The following GDA variants were observed in gnomAD, a reference collection of about 807,000 sequenced individuals.
GDA encodes guanine deaminase, also known as cytoplasmic PSD-95 interactor.
Under a neutral mutation model 59.6 loss-of-function variants are expected in GDA, and 18 were observed. That is an observed-to-expected ratio of 0.30 (90% CI 0.21 to 0.45). GDA has a LOEUF of 0.45. GDA is among the 20% of genes least tolerant of loss of function. The pLI is 1.00. For missense variants in GDA, 427 were observed against 552.3 expected (o/e 0.77, Z 2.27); for synonymous variants, 201 against 201.1 (o/e 1.00, Z 0.00).
At chr9:72,151,846 C>T (rs1350293913) in intron 1 of GDA, among the ~76,000 whole-genome samples, 1 of 151,952 alleles carries the variant, frequency 6.6e-6, no homozygotes, top group South Asian at 2.1e-4. Context: ...CTCGTGATCC[C>T]CCTGCCTCGG....
chr9:72,251,082 G>A lies in GDA; in HGVS notation c.*2740G>A. On this transcript the variant is annotated 3_prime_UTR_variant, in exon 14 of 14. Coordinates refer to ENST00000358399, the MANE Select transcript of GDA (RefSeq NM_004293.5). ...GACCCCAAGAGGAGATATTGGAACA[G>A]GCTCCCTTCATGCCAAGGGTCTTTC... 1 of 438,786 alleles carries A rather than the reference G, an allele frequency of 2.3e-6. No homozygotes were observed. The highest frequency in any genetic ancestry group is 2.9e-5 in the South Asian group (1 of 34,458). The allele number at this position is 438,786 out of a possible 1,614,324, so 27.2% of individuals were successfully genotyped here.
At position 72,178,710 on chromosome 9, in the gene GDA, A is replaced by C. The variant is rs1006103730; in HGVS notation, c.124-16790A>C. 2.0e-5 allele frequency among the ~76,000 whole-genome samples: 3 copies of C among 151,846 alleles called. No homozygotes were observed. In the South Asian group the frequency reaches 6.2e-4, roughly 32 times the overall value. On this transcript the variant is annotated intron_variant, in intron 1 of 13. Coordinates refer to ENST00000358399, the MANE Select transcript of GDA (RefSeq NM_004293.5). ...TGGGATTACAGGCGTGAGCCACCGT[A>C]CCCAGCCTGGAATCGATTTTTATGG...
rs753059474 is a variant in GDA at position 72,202,768 on chromosome 9, T to C, written c.384+26T>C. On this transcript the variant is annotated intron_variant, in intron 3 of 13. Coordinates refer to ENST00000358399, the MANE Select transcript of GDA (RefSeq NM_004293.5). Reference sequence around the variant, plus strand: ...GTAAGTATCTTGTGTGTGAGTGTGGTATTCTGTTTGGTCATCTATAGAAAT... The same window carrying C: ...GTAAGTATCTTGTGTGTGAGTGTGGCATTCTGTTTGGTCATCTATAGAAAT... 4 of 1,551,818 alleles carry C rather than the reference T, an allele frequency of 2.6e-6. No homozygotes were observed. The South Asian group carries it at 3.4e-5, about 13-fold the overall frequency.
intron 3 of GDA, among the ~76,000 whole-genome samples, chr9:72,209,853 AGTT>A (rs1835146828): frequency 6.6e-6 from 1 of 152,112 alleles, no homozygotes; most frequent in Non-Finnish European, 1.5e-5. Context: ...CCCTGCCAGG[AGTT>A]GTGGGAGTAG....
At chr9:72,188,805 G>A (rs958655237) in intron 1 of GDA, among the ~76,000 whole-genome samples, 1 of 152,182 alleles carries the variant, frequency 6.6e-6, no homozygotes, top group African/African-American at 2.4e-5. Flanking sequence ...GCCTGGGAGA[G>A]CAGCAGGCAG....
chr9:72,257,309 G>C (rs1241017712), downstream of GDA: 1 of 151,036 alleles, frequency 6.6e-6, no homozygotes, highest in Middle Eastern at 3.2e-3. Context: ...CACCTTGATA[G>C]CCGAGGTTGC....
chr9:72,172,749 T>C (rs925081966), intron 1 of GDA, among the ~76,000 whole-genome samples: 2 of 152,218 alleles, frequency 1.3e-5, no homozygotes, highest in Non-Finnish European at 2.9e-5. Flanking sequence ...TCTATATTTG[T>C]TAGTTTCATA....
intron 1 of GDA, among the ~76,000 whole-genome samples, chr9:72,188,073 A>G (rs966193309): frequency 1.3e-5 from 2 of 152,228 alleles, no homozygotes; most frequent in African/African-American, 2.4e-5. Context: ...GAGGAAAGGA[A>G]TGATTTAAAG....
At position 72,250,586 on chromosome 9, in the gene GDA, T is replaced by G; in HGVS notation, c.*2244T>G. ...GGTGTTCCTGAATGTTATGTATGCT[T>G]TTTTTTCTGTACCACAGGCATTATC... On this transcript the variant is annotated 3_prime_UTR_variant, in exon 14 of 14. Coordinates refer to ENST00000358399, the MANE Select transcript of GDA (RefSeq NM_004293.5). 1 of 1,496,708 alleles carries G rather than the reference T, an allele frequency of 6.7e-7. No individual in the cohort carries two copies. Among genetic ancestry groups the G allele is most frequent in the Non-Finnish European group, 8.8e-7 (1 of 1,131,438 alleles). 92.7% of individuals were successfully genotyped at this position (1,496,708 alleles called of 1,614,324 possible).
chr9:72,255,766 G>T (rs183179518), downstream of GDA, among the ~76,000 whole-genome samples: 174 of 152,308 alleles, frequency 1.1e-3, 1 homozygote, highest in African/African-American at 4.1e-3. Flanking sequence ...GGGGGTAAAA[G>T]AGAAGCTATG....
At chr9:72,135,028 C>T (rs561459933) in intron 1 of GDA, among the ~76,000 whole-genome samples, 15 of 152,270 alleles carry the variant, frequency 9.9e-5, no homozygotes, top group African/African-American at 3.6e-4. Flanking sequence ...TGTGGAACCA[C>T]AAGGTTCTAT....
chr9:72,142,319 A>T (rs1354579881), intron 1 of GDA, among the ~76,000 whole-genome samples: 1 of 152,162 alleles, frequency 6.6e-6, no homozygotes, highest in African/African-American at 2.4e-5. Flanking sequence ...TTGGGAATAA[A>T]GAAGTATGGA....
upstream of GDA, chr9:72,149,205 C>T (rs1329552283): frequency 3.5e-6 from 1 of 287,272 alleles, no homozygotes; most frequent in Non-Finnish European, 6.6e-6. Context: ...GCCAGGCTGA[C>T]ACAACTCATA....
intron 1 of GDA, among the ~76,000 whole-genome samples, chr9:72,166,833 C>G (rs1005808067): frequency 6.6e-6 from 1 of 152,160 alleles, no homozygotes; most frequent in African/African-American, 2.4e-5. Context: ...CTTGGTTATT[C>G]TGTCCTCACC....
In GDA at chr9:72,251,199, A is replaced by C; in HGVS notation, c.*2857A>C. 1 of 180,470 alleles carries C rather than the reference A, an allele frequency of 5.5e-6. No individual in the cohort carries two copies. Among genetic ancestry groups the C allele is most frequent in the Non-Finnish European group, 1.2e-5 (1 of 86,650 alleles). The allele number at this position is 180,470 out of a possible 1,614,324, so 11.2% of individuals were successfully genotyped here. A position where few individuals can be genotyped will look rare whatever the true frequency, so the allele number is the denominator to read the frequency against. ...GTTAAAGGGAAAGAAATGGTGGGAA[A>C]CTCTCCCCGTAATGCTTAGCCAACT... is the stretch of plus-strand genomic sequence containing the variant. On this transcript the variant is annotated 3_prime_UTR_variant, in exon 14 of 14. Coordinates refer to ENST00000358399, the MANE Select transcript of GDA (RefSeq NM_004293.5).
chr9:72,139,771 C>T (rs377536578), intron 1 of GDA, among the ~76,000 whole-genome samples: 44 of 152,294 alleles, frequency 2.9e-4, no homozygotes, highest in African/African-American at 1.0e-3. Flanking sequence ...TAGCATCTTA[C>T]TCATAAGAGG....
In GDA at chr9:72,125,668, T is replaced by C. The variant is rs184120722; in HGVS notation, c.-100+10835T>C. On this transcript the variant is annotated intron_variant, in intron 1 of 13. Coordinates refer to the GDA transcript ENST00000545168. ...AGTGGTATCAATATTTACCAGCCCA[T>C]TCAACAACAAGATTTAGCAGCAGGT... Among the ~76,000 whole-genome samples, 59 of 152,290 alleles carry C rather than the reference T, an allele frequency of 3.9e-4. 1 individual carries two copies. Among genetic ancestry groups the C allele is most frequent in the African/African-American group, 1.3e-3 (54 of 41,552 alleles).
intron 3 of GDA, among the ~76,000 whole-genome samples, chr9:72,203,249 G>T (rs1412846043): frequency 2.0e-5 from 3 of 152,138 alleles, no homozygotes; most frequent in Non-Finnish European, 4.4e-5. Context: ...AGCTCTATTT[G>T]TTTGCTTTAA....
At chr9:72,185,012 G>A (rs1168720743) in intron 1 of GDA, among the ~76,000 whole-genome samples, 1 of 152,126 alleles carries the variant, frequency 6.6e-6, no homozygotes, top group African/African-American at 2.4e-5. Context: ...GGAAGAAGAA[G>A]AAGATTTTAT....
Sources: allele counts gnomAD v4.1 joint callset (sites outside exome capture counted in the v4.1 genomes callset), GRCh38; gene constraint gnomAD v4.1.1; transcripts MANE v1.5; gene names NCBI Gene and HGNC (gene_info 2026-07-23, HGNC 2026-07-21).